The following PIEZO2 variants were observed in gnomAD, a reference collection of about 807,000 sequenced individuals.
The protein encoded by PIEZO2 is piezo type mechanosensitive ion channel component 2.
In PIEZO2, 172 loss-of-function variants were observed where a neutral mutation model predicts 337.3. The ratio of observed to expected loss-of-function variants is 0.51; its 90% confidence interval spans 0.45 to 0.58. PIEZO2 has a LOEUF of 0.58. Among genes scored for constraint, PIEZO2 ranks in the 20% least tolerant of loss-of-function variants. PIEZO2 has a pLI of 0.00. For synonymous variants in PIEZO2, 1,251 were observed against 1,228.5 expected (o/e 1.02, Z -0.38); for missense variants, 3,028 against 3,391.3 (o/e 0.89, Z 2.66).
At chr18:11,055,103 C>A (rs368555544) in intron 2 of PIEZO2, among the ~76,000 whole-genome samples, 25 of 146,302 alleles carry the variant, frequency 1.7e-4, no homozygotes, top group African/African-American at 6.4e-4. Context: ...CCCAGCTACT[C>A]GGGAGGCTGA....
chr18:10,725,268 C>A, intron 36 of PIEZO2: 1 of 1,564,786 alleles, frequency 6.4e-7, no homozygotes, highest in Non-Finnish European at 8.8e-7. Context: ...AGCTGCTCAC[C>A]AAGTGCCAGA....
At chr18:11,142,097 A>G (rs984829809) in intron 1 of PIEZO2, among the ~76,000 whole-genome samples, 7 of 152,244 alleles carry the variant, frequency 4.6e-5, no homozygotes, top group Admixed American at 2.0e-4. Context: ...AGCAAGTCAT[A>G]ATCAGAAAAC....
intron 36 of PIEZO2, among the ~76,000 whole-genome samples, chr18:10,720,847 G>A (rs2036281017): frequency 1.3e-5 from 2 of 152,164 alleles, no homozygotes; most frequent in South Asian, 4.2e-4. Context: ...TACTACTGCT[G>A]CTCCACATCC....
At chr18:10,723,301 A>G (rs1310848267) in intron 36 of PIEZO2, among the ~76,000 whole-genome samples, 2 of 152,092 alleles carry the variant, frequency 1.3e-5, no homozygotes, top group African/African-American at 4.8e-5. Context: ...TTGGGTGCTG[A>G]TCAATATGAA....
chr18:10,858,712 C>A lies in PIEZO2; in HGVS notation c.493-1501G>T, dbSNP rs371175392. Among the ~76,000 whole-genome samples the A allele has an allele frequency of 6.2e-4, 95 of 152,248 alleles. 2 individuals carry two copies. The South Asian group carries it at 0.019, about 30-fold the overall frequency. On this transcript the variant is annotated intron_variant, in intron 5 of 55. Transcript: ENST00000674853. ...GTTAAGCGTAAAGCGGCCTTCAGGA[C>A]TCAGAGGCCTTTTGTGTGCCCAGAA...
chr18:10,977,663 T>C (rs982896181), intron 3 of PIEZO2, among the ~76,000 whole-genome samples: 4 of 152,152 alleles, frequency 2.6e-5, no homozygotes, highest in African/African-American at 9.7e-5. Context: ...ATCAAGATTT[T>C]AATAATGGGA....
intron 7 of PIEZO2, among the ~76,000 whole-genome samples, chr18:10,842,643 C>T (rs2041233357): frequency 6.6e-6 from 1 of 152,190 alleles, no homozygotes; most frequent in Non-Finnish European, 1.5e-5. Flanking sequence ...GAACTGTGAG[C>T]CAAATAAACC....
In PIEZO2 at chr18:10,670,293, C is replaced by T. The variant is rs1002546355; in HGVS notation, c.*1234G>A. Reference sequence around the variant, plus strand: ...ATTTTAAGTCAGCCCTGAACCCAAACTACACAGGATCAATTTTTGACATAT... The same window carrying T: ...ATTTTAAGTCAGCCCTGAACCCAAATTACACAGGATCAATTTTTGACATAT... On this transcript the variant is annotated 3_prime_UTR_variant, in exon 56 of 56. Coordinates refer to ENST00000674853, the MANE Select transcript of PIEZO2 (RefSeq NM_001378183.1). The T allele has an allele frequency of 2.6e-5, 4 of 152,152 alleles. No individual in the cohort carries two copies. Among genetic ancestry groups the T allele is most frequent in the African/African-American group, 9.7e-5 (4 of 41,432 alleles). The allele number at this position is 152,152 out of a possible 1,614,324, so 9.4% of individuals were successfully genotyped here.
chr18:10,817,905 A>C (rs915636867), intron 7 of PIEZO2, among the ~76,000 whole-genome samples: 11 of 150,564 alleles, frequency 7.3e-5, no homozygotes, highest in South Asian at 6.3e-4. Context: ...CCTGGGCGAC[A>C]GAGCAAGACT....
chr18:10,993,208 C>A lies in PIEZO2; in HGVS notation c.161-13548G>T, dbSNP rs562015760. Among the ~76,000 whole-genome samples, 1 of 152,116 alleles carries A rather than the reference C, an allele frequency of 6.6e-6. No individual in the cohort carries two copies. Among genetic ancestry groups the A allele is most frequent in the Non-Finnish European group, 1.5e-5 (1 of 68,026 alleles). Reference sequence around the variant, plus strand: ...GACTTCCTCTTTTCCTATTTGAATACGCTTTATTTCCTTCTCTTGCCTGAT... The same window carrying A: ...GACTTCCTCTTTTCCTATTTGAATAAGCTTTATTTCCTTCTCTTGCCTGAT... On this transcript the variant is annotated intron_variant, in intron 2 of 55. Coordinates refer to ENST00000674853, the MANE Select transcript of PIEZO2 (RefSeq NM_001378183.1). This position sits in a 1 kb window ranked among gnomAD's most constrained non-coding sequence, Gnocchi z 5.0.
At position 11,112,618 on chromosome 18, in the gene PIEZO2, AAAG is replaced by A. The variant is rs1396936133; in HGVS notation, c.64+35904_64+35906del. 2.0e-5 allele frequency among the ~76,000 whole-genome samples: 3 copies of A among 152,246 alleles called. No individual in the cohort carries two copies. The highest frequency in any genetic ancestry group is 4.8e-5 in the African/African-American group (2 of 41,458). ...CTAGTCAGAGGCTCACCAGGGTTGT[AAAG>A]AAGACTTACACACTTAGTCGTAAGT... is the stretch of plus-strand genomic sequence containing the variant. On this transcript the variant is annotated intron_variant, in intron 1 of 55. Transcript: ENST00000674853. The surrounding 1 kb of genome is among the most constrained non-coding windows in gnomAD (Gnocchi z 4.3).
intron 1 of PIEZO2, among the ~76,000 whole-genome samples, chr18:11,091,858 T>C (rs941532909): frequency 6.6e-6 from 1 of 152,182 alleles, no homozygotes; most frequent in Non-Finnish European, 1.5e-5. Flanking sequence ...AGACCACAAG[T>C]CAAGTCTCAC....
At chr18:11,062,826 T>A (rs2038015554) in intron 2 of PIEZO2, among the ~76,000 whole-genome samples, 1 of 152,174 alleles carries the variant, frequency 6.6e-6, no homozygotes, top group African/African-American at 2.4e-5. Flanking sequence ...TGTAAACTAG[T>A]TCAACCATTG....
intron 2 of PIEZO2, among the ~76,000 whole-genome samples, chr18:11,043,241 ACG>A (rs200620888): frequency 1.9e-4 from 10 of 52,564 alleles, no homozygotes; most frequent in African/African-American, 7.4e-4. Flanking sequence ...CTCCCTTTAA[ACG>A]CACACACACA....
intron 3 of PIEZO2, among the ~76,000 whole-genome samples, chr18:10,916,535 C>T (rs926336377): frequency 1.3e-4 from 20 of 152,156 alleles, no homozygotes; most frequent in African/African-American, 4.6e-4. Context: ...GAGTGCTAAG[C>T]CCCTCACTGC....
chr18:10,821,442 A>G lies in PIEZO2; in HGVS notation c.918-14168T>C, dbSNP rs1014512189. Reference sequence around the variant, plus strand: ...TATGAATATATACTTGCATAAAGGTATCTACCTACCCACCTAGAAGTAGAA... The same window carrying G: ...TATGAATATATACTTGCATAAAGGTGTCTACCTACCCACCTAGAAGTAGAA... On this transcript the variant is annotated intron_variant, in intron 7 of 55. Transcript: ENST00000674853. The surrounding 1 kb of genome is among the most constrained non-coding windows in gnomAD (Gnocchi z 4.2). Among the ~76,000 whole-genome samples the G allele has an allele frequency of 1.3e-5, 2 of 152,230 alleles. No homozygotes were observed. The highest frequency in any genetic ancestry group is 2.1e-4 in the South Asian group (1 of 4,832).
Position 10,746,131 on chromosome 18 carries a change from G to A in PIEZO2, c.4425-1900C>T, listed in dbSNP as rs556025802. Reference sequence around the variant, plus strand: ...ATAGCAGCTGCTTAGCTGTCTCTCTGCCTACAGCGCTGCCTATACCCATCT... The same window carrying A: ...ATAGCAGCTGCTTAGCTGTCTCTCTACCTACAGCGCTGCCTATACCCATCT... On this transcript the variant is annotated intron_variant, in intron 30 of 55. Transcript: ENST00000674853. The surrounding 1 kb of genome is among the most constrained non-coding windows in gnomAD (Gnocchi z 4.2). 3.3e-5 allele frequency among the ~76,000 whole-genome samples: 5 copies of A among 152,260 alleles called. No homozygotes were observed. In the South Asian group the frequency reaches 1.0e-3, roughly 32 times the overall value.
chr18:10,972,453 A>T (rs2034280080), intron 3 of PIEZO2, among the ~76,000 whole-genome samples: 1 of 152,166 alleles, frequency 6.6e-6, no homozygotes. Context: ...CCAAGGCTGC[A>T]GCTGTGGGGC....
At chr18:10,697,675 C>T (rs1372531500) in intron 45 of PIEZO2, 73 bp downstream of exon 45, 1 of 1,550,742 alleles carries the variant, frequency 6.4e-7, no homozygotes, top group Non-Finnish European at 8.7e-7. Context: ...TGCTCTGCTC[C>T]TGGTTTATAG....
Sources: allele counts gnomAD v4.1 joint callset (sites outside exome capture counted in the v4.1 genomes callset), GRCh38; gene constraint gnomAD v4.1.1; non-coding constraint Gnocchi (gnomAD v3.1); transcripts MANE v1.5; gene names NCBI Gene and HGNC (gene_info 2026-07-23, HGNC 2026-07-21).